Variants in HNMT observed in about 807,000 individuals in gnomAD.
HNMT encodes histamine N-methyltransferase.
HNMT carries 30 observed loss-of-function variants against 32.1 expected under a neutral mutation model. The ratio of observed to expected loss-of-function variants is 0.93; its 90% CI spans 0.70 to 1.27. The LOEUF (loss-of-function observed/expected upper bound fraction) is 1.27. HNMT is among the 50% of genes most tolerant of loss of function. The pLI is 0.00. For synonymous variants in HNMT, 125 were observed against 119.0 expected (o/e 1.05, Z -0.33); for missense variants, 327 against 346.0 (o/e 0.95, Z 0.43).
chr2:137,993,690 C>T (rs576758810), intron 2 of HNMT, among the ~76,000 whole-genome samples: 13 of 152,226 alleles, frequency 8.5e-5, no homozygotes, highest in African/African-American at 2.6e-4. Flanking sequence ...CATTAAGATA[C>T]TCCACAAGAA....
chr2:137,978,307 T>A (rs893948301), intron 2 of HNMT, among the ~76,000 whole-genome samples: 4 of 147,308 alleles, frequency 2.7e-5, no homozygotes, highest in African/African-American at 9.9e-5. Flanking sequence ...TATGTATATA[T>A]TAACTGTAAT....
At chr2:137,972,819 T>C (rs1451700843) in intron 2 of HNMT, among the ~76,000 whole-genome samples, 1 of 152,188 alleles carries the variant, frequency 6.6e-6, no homozygotes, top group Non-Finnish European at 1.5e-5. Context: ...ACAATCTCTA[T>C]CATGGCCAAG....
At chr2:137,986,412 G>A (rs1448923789) in intron 2 of HNMT, among the ~76,000 whole-genome samples, 1 of 152,150 alleles carries the variant, frequency 6.6e-6, no homozygotes, top group East Asian at 1.9e-4. Context: ...AGGCCTGAAG[G>A]CTTGAGACTC....
intron 2 of HNMT, among the ~76,000 whole-genome samples, chr2:137,992,211 G>T (rs1483187982): frequency 6.6e-6 from 1 of 152,210 alleles, no homozygotes; most frequent in Non-Finnish European, 1.5e-5. Context: ...CTGGAGGGAG[G>T]GGTGACCAGA....
At chr2:137,965,440 G>A (rs1039986535) in intron 1 of HNMT, among the ~76,000 whole-genome samples, 1 of 152,008 alleles carries the variant, frequency 6.6e-6, no homozygotes, top group Non-Finnish European at 1.5e-5. Flanking sequence ...AAAGGAAAGT[G>A]GTATTTTATC....
At chr2:137,993,366 T>A (rs1180303585) in intron 2 of HNMT, among the ~76,000 whole-genome samples, 1 of 152,060 alleles carries the variant, frequency 6.6e-6, no homozygotes, top group African/African-American at 2.4e-5. Context: ...ATAAACAACA[T>A]GTTGGAGCTG....
At chr2:137,964,668 G>T in intron 1 of HNMT, 40 bp downstream of exon 1, 1 of 1,608,656 alleles carries the variant, frequency 6.2e-7, no homozygotes, top group South Asian at 1.1e-5. Flanking sequence ...ACAAGCCTCA[G>T]ACTGGCTGTG....
In HNMT at chr2:138,002,053, C is replaced by G. The variant is rs369015490; in HGVS notation, c.299-11C>G. The G allele has an allele frequency of 1.9e-5, 29 of 1,532,156 alleles. No individual in the cohort carries two copies. The highest frequency in any genetic ancestry group is 2.5e-5 in the Non-Finnish European group (29 of 1,144,408). The allele number at this position is 1,532,156 out of a possible 1,614,324, so 94.9% of individuals were successfully genotyped here. ...AAATTGATGGTGTGTCACCTCTTCT[C>G]TGTATTTTAGAGCTTGTAGCCAAGA... On this transcript the variant is annotated splice_polypyrimidine_tract_variant and intron_variant, in intron 3 of 5. Coordinates refer to ENST00000280097, the MANE Select transcript of HNMT (RefSeq NM_006895.3).
chr2:137,980,955 A>G (rs1346348095), intron 2 of HNMT, among the ~76,000 whole-genome samples: 3 of 152,110 alleles, frequency 2.0e-5, no homozygotes, highest in Non-Finnish European at 4.4e-5. Context: ...TCTGGCTGCA[A>G]ACCCACACCT....
intron 2 of HNMT, among the ~76,000 whole-genome samples, chr2:137,991,321 G>A (rs538974600): frequency 9.8e-5 from 15 of 152,340 alleles, no homozygotes; most frequent in African/African-American, 3.1e-4. Context: ...GTGATTGGAT[G>A]AAAAGGTTAT....
chr2:137,987,164 C>T (rs2104951649), intron 2 of HNMT, among the ~76,000 whole-genome samples: 1 of 152,204 alleles, frequency 6.6e-6, no homozygotes, highest in Non-Finnish European at 1.5e-5. Flanking sequence ...TTAACCCAAA[C>T]AGCTGTTGGT....
At position 138,014,860 on chromosome 2, in the gene HNMT, T is replaced by C. The variant is rs1681617127; in HGVS notation, c.*730T>C. The C allele has an allele frequency of 6.6e-6, 1 of 151,956 alleles. No homozygotes were observed. Among genetic ancestry groups the C allele is most frequent in the East Asian group, 1.9e-4 (1 of 5,188 alleles). 9.4% of individuals were successfully genotyped at this position (151,956 alleles called of 1,614,324 possible). On this transcript the variant is annotated 3_prime_UTR_variant, in exon 6 of 6. Coordinates refer to ENST00000280097, the MANE Select transcript of HNMT (RefSeq NM_006895.3). ...ACATTTTATCAAAATAATATTATAG[T>C]TTTGCTTTTTTTAAAAAATGAAATC... is the stretch of plus-strand genomic sequence containing the variant.
intron 2 of HNMT, among the ~76,000 whole-genome samples, chr2:137,998,503 T>C (rs1031492458): frequency 6.6e-6 from 1 of 152,188 alleles, no homozygotes; most frequent in African/African-American, 2.4e-5. Flanking sequence ...TTTTACGTTC[T>C]AATTGACTCT....
intron 2 of HNMT, among the ~76,000 whole-genome samples, chr2:137,977,932 C>G (rs1313692047): frequency 6.6e-6 from 1 of 152,048 alleles, no homozygotes; most frequent in East Asian, 1.9e-4. Flanking sequence ...CCCCACCCCC[C>G]ATCTCCAGGG....
chr2:137,997,794 C>T (rs1227855804), intron 2 of HNMT, among the ~76,000 whole-genome samples: 2 of 152,228 alleles, frequency 1.3e-5, no homozygotes, highest in East Asian at 3.9e-4. Flanking sequence ...CGGTGATAGA[C>T]TGGATAAAGA....
intron 2 of HNMT, chr2:137,988,548 C>T (rs1158234580): frequency 8.0e-6 from 1 of 124,980 alleles, no homozygotes; most frequent in Non-Finnish European, 1.7e-5. Context: ...CTATTGACCC[C>T]CCTTTTTTTT....
In HNMT at chr2:138,016,240, G is replaced by A. The variant is rs1321282839; in HGVS notation, c.*2110G>A. 6.6e-6 allele frequency: 1 copy of A among 152,124 alleles called. No individual in the cohort carries two copies. Among genetic ancestry groups the A allele is most frequent in the Non-Finnish European group, 1.5e-5 (1 of 68,018 alleles). The allele number at this position is 152,124 out of a possible 1,614,324, so 9.4% of individuals were successfully genotyped here. On this transcript the variant is annotated 3_prime_UTR_variant, in exon 6 of 6. Transcript: ENST00000280097. ...TTGCATATGGTAAATGCTAAGTAAA[G>A]CGGGATCAATGAATTATTTCCTTCT...
In HNMT at chr2:138,014,412, T is replaced by A. The variant is rs970957580; in HGVS notation, c.*282T>A. On this transcript the variant is annotated 3_prime_UTR_variant, in exon 6 of 6. Transcript: ENST00000280097. ...CTGAATTTCTATGGCATATTGATAATAAAATTCATTCCATTTGCTGATTGT... is the reference window on the plus strand; with the variant it reads ...CTGAATTTCTATGGCATATTGATAAAAAAATTCATTCCATTTGCTGATTGT... 1 of 282,594 alleles carries A rather than the reference T, an allele frequency of 3.5e-6. No individual in the cohort carries two copies. Among genetic ancestry groups the A allele is most frequent in the African/African-American group, 2.2e-5 (1 of 46,196 alleles). 17.5% of individuals were successfully genotyped at this position (282,594 alleles called of 1,614,324 possible).
intron 2 of HNMT, among the ~76,000 whole-genome samples, chr2:137,983,384 A>T (rs1680560682): frequency 6.6e-6 from 1 of 152,092 alleles, no homozygotes. Flanking sequence ...TATGTTTCCG[A>T]TTACCAATCT....
Sources: allele counts gnomAD v4.1 joint callset (sites outside exome capture counted in the v4.1 genomes callset), GRCh38; gene constraint gnomAD v4.1.1; transcripts MANE v1.5; gene names NCBI Gene and HGNC (gene_info 2026-07-23, HGNC 2026-07-21).